Variants in C2orf80 observed in about 807,000 individuals in gnomAD.
C2orf80 encodes uncharacterized protein C2orf80.
C2orf80 carries 28 observed loss-of-function variants against 30.2 expected under a neutral mutation model. The observed-to-expected ratio is 0.93, with a 90% CI of 0.69 to 1.27. The LOEUF (loss-of-function observed/expected upper bound fraction) is 1.27, where lower values mean the gene tolerates loss of function less well. C2orf80 is among the 50% of genes most tolerant of loss of function. The pLI is 0.00. For synonymous variants in C2orf80, 80 were observed against 76.4 expected (o/e 1.05, Z -0.24); for missense variants, 220 against 231.0 (o/e 0.95, Z 0.31).
chr2:208,180,293 A>G (rs1696511828), intron 6 of C2orf80, among the ~76,000 whole-genome samples: 1 of 152,026 alleles, frequency 6.6e-6, no homozygotes, highest in Non-Finnish European at 1.5e-5. Flanking sequence ...CTACCAAAAA[A>G]TACAAAAATT....
At position 208,176,962 on chromosome 2, in the gene C2orf80, T is replaced by G. The variant is rs1050152425; in HGVS notation, c.366+3783A>C. 1.3e-3 allele frequency among the ~76,000 whole-genome samples: 123 copies of G among 95,860 alleles called. 12 individuals carry two copies. The highest frequency in any genetic ancestry group is 0.018 in the Middle Eastern group (2 of 110). 62.9% of individuals were successfully genotyped at this position (95,860 alleles called of 152,430 possible). A position where few individuals can be genotyped will look rare whatever the true frequency, so the allele number is the denominator to read the frequency against. ...ATATCTGTATACATATCTGTATACA[T>G]ATGTATACATATATACAGAAATGTA... On this transcript the variant is annotated intron_variant, in intron 6 of 8. Transcript: ENST00000341287.
At chr2:208,186,777 G>A (rs1043298190) in intron 2 of C2orf80, among the ~76,000 whole-genome samples, 169 bp downstream of exon 2, 3 of 152,150 alleles carry the variant, frequency 2.0e-5, no homozygotes, top group African/African-American at 7.2e-5. Flanking sequence ...CACAGGTGAG[G>A]CCTCCCTGGC....
chr2:208,188,827 G>A (rs1696795648), intron 1 of C2orf80, among the ~76,000 whole-genome samples: 1 of 152,132 alleles, frequency 6.6e-6, no homozygotes, highest in Non-Finnish European at 1.5e-5. Context: ...ATGAAAGTGG[G>A]GAAGAAAGTA....
At position 208,171,982 on chromosome 2, in the gene C2orf80, G is replaced by A. The variant is rs199687669; in HGVS notation, c.454+6C>T. 42 of 1,610,946 alleles carry A rather than the reference G, an allele frequency of 2.6e-5. No homozygotes were observed. Among genetic ancestry groups the A allele is most frequent in the Non-Finnish European group, 3.1e-5 (37 of 1,177,152 alleles). ...CCTCTAAGCAGGTGAAAGTAACCAG[G>A]CTTACTCTGTTTGCGGGCGTATGCT... is the stretch of plus-strand genomic sequence containing the variant. On this transcript the variant is annotated splice_donor_region_variant and intron_variant, in intron 7 of 8. Transcript: ENST00000341287.
At position 208,177,136 on chromosome 2, in the gene C2orf80, T is replaced by C. The variant is rs10195598; in HGVS notation, c.366+3609A>G. 9.8e-3 allele frequency among the ~76,000 whole-genome samples: 1,433 copies of C among 146,736 alleles called. 29 individuals carry two copies. Among genetic ancestry groups the C allele is most frequent in the African/African-American group, 0.034 (1,348 of 39,976 alleles). Reference sequence around the variant, plus strand: ...AATGGCTCGATTTTATATATATACATACATATATATTATATATAGTGTGTG... The same window carrying C: ...AATGGCTCGATTTTATATATATACACACATATATATTATATATAGTGTGTG... On this transcript the variant is annotated intron_variant, in intron 6 of 8. Transcript: ENST00000341287.
intron 8 of C2orf80, among the ~76,000 whole-genome samples, chr2:208,169,627 C>T (rs2166449): frequency 0.88 from 132,230 of 150,274 alleles, 58,408 homozygotes; most frequent in Non-Finnish European, 0.92. Flanking sequence ...GCAGGAGAAT[C>T]GCTTGAACTC....
intron 6 of C2orf80, among the ~76,000 whole-genome samples, chr2:208,174,540 C>T (rs923283111): frequency 2.0e-5 from 3 of 152,154 alleles, no homozygotes; most frequent in African/African-American, 7.2e-5. Context: ...ATCGTGTGCT[C>T]GATACGTGCA....
At chr2:208,183,411 T>G (rs1009566678) in intron 3 of C2orf80, among the ~76,000 whole-genome samples, 1 of 152,134 alleles carries the variant, frequency 6.6e-6, no homozygotes, top group Non-Finnish European at 1.5e-5. Flanking sequence ...TCACGGAATA[T>G]TCTTAGGTGA....
intron 7 of C2orf80, 131 bp downstream of exon 7, chr2:208,171,856 TG>T: frequency 1.2e-6 from 1 of 818,088 alleles, no homozygotes; most frequent in Non-Finnish European, 2.1e-6. Context: ...TAAGAGCCCC[TG>T]GTTCTTTTAA....
At position 208,165,780 on chromosome 2, in the gene C2orf80, G is replaced by C; in HGVS notation, c.*27C>G. Reference sequence around the variant, plus strand: ...CGTCTGCTCCCAGAGAATCTATTATGAAGTTCCATGGTACAATTCCAATTT... The same window carrying C: ...CGTCTGCTCCCAGAGAATCTATTATCAAGTTCCATGGTACAATTCCAATTT... On this transcript the variant is annotated 3_prime_UTR_variant, in exon 9 of 9. Coordinates refer to ENST00000341287, the MANE Select transcript of C2orf80 (RefSeq NM_001099334.3). 1 of 1,612,434 alleles carries C rather than the reference G, an allele frequency of 6.2e-7. No individual in the cohort carries two copies. Among genetic ancestry groups the C allele is most frequent in the African/African-American group, 1.3e-5 (1 of 74,988 alleles).
chr2:208,175,294 T>TAAA (rs1273699757), intron 6 of C2orf80, among the ~76,000 whole-genome samples: 1 of 148,760 alleles, frequency 6.7e-6, no homozygotes, highest in African/African-American at 2.5e-5. Flanking sequence ...GACTCTGTCT[T>TAAA]AAAAAAAAAA....
intron 3 of C2orf80, 64 bp from the exon 4 acceptor site, chr2:208,183,111 A>G: frequency 7.6e-7 from 1 of 1,312,432 alleles, no homozygotes; most frequent in Non-Finnish European, 1.1e-6. Context: ...TACTCCCTGG[A>G]CCCAATGACA....
intron 1 of C2orf80, among the ~76,000 whole-genome samples, chr2:208,188,979 T>C (rs1347502732): frequency 1.3e-5 from 2 of 152,170 alleles, no homozygotes; most frequent in East Asian, 1.9e-4. Context: ...AAAGCCACAC[T>C]CATTGATGTG....
chr2:208,179,089 C>T (rs1350022759), intron 6 of C2orf80, among the ~76,000 whole-genome samples: 1 of 152,138 alleles, frequency 6.6e-6, no homozygotes, highest in Non-Finnish European at 1.5e-5. Context: ...GTTATCTTGT[C>T]TGACTTGCTC....
Position 208,165,733 on chromosome 2 carries a change from G to A in C2orf80, c.*74C>T, listed in dbSNP as rs906088598. The A allele has an allele frequency of 6.2e-7, 1 of 1,605,822 alleles. No individual in the cohort carries two copies. Among genetic ancestry groups the A allele is most frequent in the Non-Finnish European group, 8.5e-7 (1 of 1,176,546 alleles). ...AAAGAAAAATGTACTGGCAAGAGCT[G>A]TGGTTTTAAGATGATGCTTCTCGTC... On this transcript the variant is annotated 3_prime_UTR_variant, in exon 9 of 9. Transcript: ENST00000341287.
intron 4 of C2orf80, among the ~76,000 whole-genome samples, chr2:208,181,813 A>AT (rs1043932666): frequency 2.6e-5 from 4 of 152,136 alleles, no homozygotes; most frequent in African/African-American, 9.7e-5. Context: ...ATTAAAAAAA[A>AT]ATATATCCAC....
chr2:208,189,485 G>C (rs908303866), intron 1 of C2orf80, among the ~76,000 whole-genome samples: 3 of 152,156 alleles, frequency 2.0e-5, no homozygotes, highest in Admixed American at 6.5e-5. Context: ...AAATTAATTT[G>C]CCTATGTTTT....
intron 2 of C2orf80, among the ~76,000 whole-genome samples, chr2:208,185,627 C>T (rs2105913863): frequency 6.6e-6 from 1 of 152,132 alleles, no homozygotes; most frequent in Non-Finnish European, 1.5e-5. Flanking sequence ...AGGTGCTACC[C>T]CGGGAATGTG....
At chr2:208,181,697 G>A (rs557887315) in intron 4 of C2orf80, among the ~76,000 whole-genome samples, 146 of 152,158 alleles carry the variant, frequency 9.6e-4, no homozygotes, top group African/African-American at 3.4e-3. Context: ...TTCCAAAGAT[G>A]AAAAACACAC....
Sources: allele counts gnomAD v4.1 joint callset (sites outside exome capture counted in the v4.1 genomes callset), GRCh38; gene constraint gnomAD v4.1.1; transcripts MANE v1.5; gene names NCBI Gene and HGNC (gene_info 2026-07-23, HGNC 2026-07-21).